Variants in PDE6A observed in about 807,000 individuals in gnomAD.
PDE6A encodes phosphodiesterase 6A.
A neutral mutation model predicts 106.3 loss-of-function variants in PDE6A; 84 were observed. That is an observed-to-expected ratio of 0.79 (90% CI 0.66 to 0.95). The LOEUF (loss-of-function observed/expected upper bound fraction) is 0.95, where lower values mean the gene tolerates loss of function less well. PDE6A is among the 40% of genes least tolerant of loss of function. The probability of loss-of-function intolerance (pLI) is 0.00; values close to 1 mark genes in which losing one functional copy is unlikely to be tolerated. For missense variants in PDE6A, 1,052 were observed against 1,084.9 expected, an observed-to-expected ratio of 0.97 and a Z score of 0.43; for synonymous variants, 394 against 386.6, an observed-to-expected ratio of 1.02 and a Z score of -0.23.
chr5:149,877,884 C>A (rs1430108820), intron 17 of PDE6A, among the ~76,000 whole-genome samples: 1 of 152,138 alleles, frequency 6.6e-6, no homozygotes, highest in Admixed American at 6.5e-5. Flanking sequence ...TCTTCACATC[C>A]AAGGGGTTTT....
chr5:149,936,140 C>T (rs963562567), intron 1 of PDE6A, among the ~76,000 whole-genome samples: 8 of 93,824 alleles, frequency 8.5e-5, no homozygotes, highest in African/African-American at 5.6e-4. Flanking sequence ...GGTGACAGAG[C>T]AAGACCCTGT....
chr5:149,917,806 A>G (rs1049977528), intron 5 of PDE6A, among the ~76,000 whole-genome samples: 1 of 152,152 alleles, frequency 6.6e-6, no homozygotes, highest in Non-Finnish European at 1.5e-5. Context: ...GAATGGTGGT[A>G]TGTGTTTGCT....
rs528882254 is a variant in PDE6A at position 149,870,962 on chromosome 5, A to G, written c.2136-2804T>C. On this transcript the variant is annotated intron_variant, in intron 17 of 21. Transcript: ENST00000255266. ...AGAAGAGAAGAGAAAAGAAAAGAAA[A>G]GAAAAAAAGAACCCAAAAGTGAAGG... Among the ~76,000 whole-genome samples, 202 of 152,058 alleles carry G rather than the reference A, an allele frequency of 1.3e-3. 2 individuals are homozygous for G. The highest frequency in any genetic ancestry group is 4.6e-3 in the African/African-American group (191 of 41,498).
intron 4 of PDE6A, among the ~76,000 whole-genome samples, chr5:149,925,633 G>A (rs914419759): frequency 6.6e-6 from 1 of 151,148 alleles, no homozygotes; most frequent in Non-Finnish European, 1.5e-5. Context: ...CTTGAACCCA[G>A]GAGGCGGAGG....
intron 4 of PDE6A, among the ~76,000 whole-genome samples, chr5:149,930,212 C>T (rs1279199138): frequency 3.3e-5 from 5 of 152,176 alleles, no homozygotes; most frequent in Non-Finnish European, 7.3e-5. Context: ...GATGAACTGC[C>T]AAGTTTGGGA....
intron 4 of PDE6A, among the ~76,000 whole-genome samples, chr5:149,928,002 T>C (rs1402183343): frequency 6.6e-6 from 1 of 151,668 alleles, no homozygotes; most frequent in Non-Finnish European, 1.5e-5. Context: ...CCATCTCCTA[T>C]GATAACAATG....
chr5:149,882,198 C>T (rs1182943144), intron 17 of PDE6A, among the ~76,000 whole-genome samples: 1 of 152,000 alleles, frequency 6.6e-6, no homozygotes, highest in Non-Finnish European at 1.5e-5. Flanking sequence ...ATCAGGGGAC[C>T]TTTGTGGGAG....
intron 8 of PDE6A, among the ~76,000 whole-genome samples, chr5:149,901,530 AAAAAAC>A (rs1166148988): frequency 2.0e-5 from 3 of 152,198 alleles, no homozygotes; most frequent in South Asian, 2.1e-4. Flanking sequence ...CTCCATCTCA[AAAAAAC>A]AAAAACAAAA....
chr5:149,878,339 C>G (rs1760814476), intron 17 of PDE6A, among the ~76,000 whole-genome samples: 1 of 151,850 alleles, frequency 6.6e-6, no homozygotes, highest in Non-Finnish European at 1.5e-5. Flanking sequence ...TAATTCCTTT[C>G]ATTTGATGTC....
At chr5:149,936,707 C>A (rs1047936953) in intron 1 of PDE6A, among the ~76,000 whole-genome samples, 3 of 152,156 alleles carry the variant, frequency 2.0e-5, no homozygotes, top group Non-Finnish European at 4.4e-5. Context: ...ACAACCATGT[C>A]ACAGAATCTC....
chr5:149,937,318 G>T (rs1454672411), intron 1 of PDE6A, among the ~76,000 whole-genome samples: 1 of 152,202 alleles, frequency 6.6e-6, no homozygotes, highest in African/African-American at 2.4e-5. Context: ...AGGCAGGCAG[G>T]GGCCAGATCC....
intron 17 of PDE6A, among the ~76,000 whole-genome samples, chr5:149,880,115 C>CT (rs1298556052): frequency 7.9e-5 from 12 of 152,098 alleles, no homozygotes; most frequent in African/African-American, 2.9e-4. Context: ...TCTGGCTATT[C>CT]TTTTTTATCT....
chr5:149,862,967 C>T, intron 21 of PDE6A, 152 bp downstream of exon 21: 2 of 998,062 alleles, frequency 2.0e-6, no homozygotes, highest in Admixed American at 1.8e-5. Context: ...TGGTCTCTTC[C>T]AGCCTTGGTG....
At chr5:149,903,539 T>C in intron 8 of PDE6A, 109 bp downstream of exon 8, 1 of 854,040 alleles carries the variant, frequency 1.2e-6, no homozygotes, top group Admixed American at 1.8e-5. Flanking sequence ...ATATTTTCAC[T>C]TTGTTGAGGC....
intron 13 of PDE6A, among the ~76,000 whole-genome samples, chr5:149,889,242 T>C (rs1752449990): frequency 6.6e-6 from 1 of 152,018 alleles, no homozygotes; most frequent in African/African-American, 2.4e-5. Flanking sequence ...ATTGGTCTGC[T>C]GTTAACAGGA....
At chr5:149,926,267 C>A (rs1561776408) in intron 4 of PDE6A, among the ~76,000 whole-genome samples, 1 of 151,268 alleles carries the variant, frequency 6.6e-6, no homozygotes, top group East Asian at 1.9e-4. Flanking sequence ...TTAAAAAAAA[C>A]ATATATATAT....
rs138729410 is a variant in PDE6A, at chr5:149,937,525, G to A, written c.475-2807C>T. On this transcript the variant is annotated intron_variant, in intron 1 of 21. Coordinates refer to ENST00000255266, the MANE Select transcript of PDE6A (RefSeq NM_000440.3). ...CCAGAGAATCTGAAACAACAGGGGC[G>A]TACCACCATGCCCGACTAATTTTTG... is the stretch of plus-strand genomic sequence containing the variant. Among the ~76,000 whole-genome samples the A allele has an allele frequency of 3.1e-3, 473 of 152,142 alleles. 4 individuals carry two copies. The highest frequency in any genetic ancestry group is 5.2e-3 in the Non-Finnish European group (351 of 68,000).
Position 149,916,811 on chromosome 5 carries a change from C to A in PDE6A, c.934-1804G>T, listed in dbSNP as rs374969394. Among the ~76,000 whole-genome samples the A allele has an allele frequency of 3.3e-5, 5 of 152,298 alleles. No homozygotes were observed. The East Asian group carries it at 9.6e-4, about 29-fold the overall frequency. The stretch of plus-strand genomic sequence containing the variant: ...AAAATCAGAACCTGGGTCCTTAATT[C>A]CCAGCTCAGTGCTTTTCCTCTATGT... On this transcript the variant is annotated intron_variant, in intron 5 of 21. Transcript: ENST00000255266.
intron 13 of PDE6A, among the ~76,000 whole-genome samples, chr5:149,890,110 C>T (rs556483209): frequency 4.6e-5 from 7 of 151,900 alleles, no homozygotes; most frequent in South Asian, 2.1e-4. Flanking sequence ...CACACCACCA[C>T]ACTAGGCTAA....
Sources: allele counts gnomAD v4.1 joint callset (sites outside exome capture counted in the v4.1 genomes callset), GRCh38; gene constraint gnomAD v4.1.1; transcripts MANE v1.5; gene names NCBI Gene and HGNC (gene_info 2026-07-23, HGNC 2026-07-21).